The following SYN3 variants were observed in gnomAD, a reference collection of about 807,000 sequenced individuals.
SYN3 encodes synapsin III.
Under a neutral mutation model 65.8 loss-of-function variants are expected in SYN3, and 35 were observed. The ratio of observed to expected loss-of-function variants is 0.53; its 90% CI spans 0.41 to 0.70. SYN3 has a LOEUF of 0.70. Among genes scored for constraint, SYN3 ranks in the 30% least tolerant of loss-of-function variants. SYN3 has a pLI of 0.00. For missense variants in SYN3, 680 were observed against 749.0 expected (o/e 0.91, Z 1.08); for synonymous variants, 270 against 292.9 (o/e 0.92, Z 0.80).
intron 3 of SYN3, among the ~76,000 whole-genome samples, chr22:32,936,470 T>C (rs2050778629): frequency 6.6e-6 from 1 of 151,340 alleles, no homozygotes; most frequent in South Asian, 2.1e-4. Context: ...TAGGAAAAGA[T>C]GAATCTGCAG....
intron 4 of SYN3, among the ~76,000 whole-genome samples, chr22:32,901,882 A>G (rs1360194486): frequency 6.6e-6 from 1 of 152,236 alleles, no homozygotes; most frequent in Non-Finnish European, 1.5e-5. Flanking sequence ...GAGCTGGGCC[A>G]GCCTTGCTGG....
intron 4 of SYN3, among the ~76,000 whole-genome samples, chr22:32,918,419 T>A (rs959760039): frequency 1.3e-5 from 2 of 152,190 alleles, no homozygotes; most frequent in Non-Finnish European, 2.9e-5. Flanking sequence ...ATATGTGATA[T>A]GGGAATATAG....
intron 6 of SYN3, among the ~76,000 whole-genome samples, chr22:32,677,244 C>T (rs1025916477): frequency 2.0e-5 from 3 of 152,112 alleles, no homozygotes; most frequent in Admixed American, 6.5e-5. Context: ...TCTGGGTAAT[C>T]GGTGATGAGT....
intron 6 of SYN3, among the ~76,000 whole-genome samples, chr22:32,697,906 T>C (rs989031503): frequency 2.0e-5 from 3 of 152,194 alleles, no homozygotes; most frequent in Non-Finnish European, 2.9e-5. Context: ...CATGAGAGCA[T>C]GCCTGAGCTA....
chr22:32,586,052 G>GTATATA (rs1330288526), intron 7 of SYN3, among the ~76,000 whole-genome samples: 14 of 142,708 alleles, frequency 9.8e-5, no homozygotes, highest in African/African-American at 3.0e-4. Flanking sequence ...ATGTATATAT[G>GTATATA]TGTATATGTA....
chr22:32,630,948 G>A (rs2059738574), intron 6 of SYN3, among the ~76,000 whole-genome samples: 1 of 152,188 alleles, frequency 6.6e-6, no homozygotes, highest in Non-Finnish European at 1.5e-5. Flanking sequence ...GAATTTAACA[G>A]CAACTCGGAT....
intron 6 of SYN3, among the ~76,000 whole-genome samples, chr22:32,853,229 T>C (rs1039775409): frequency 2.6e-5 from 4 of 152,194 alleles, no homozygotes; most frequent in African/African-American, 9.7e-5. Context: ...CATCCAGCCC[T>C]CTGCAGAGAC....
At chr22:32,565,400 C>T (rs985111473) in intron 7 of SYN3, among the ~76,000 whole-genome samples, 1 of 151,730 alleles carries the variant, frequency 6.6e-6, no homozygotes, top group African/African-American at 2.4e-5. Flanking sequence ...AATAGGTGAA[C>T]ATAATTTTAA....
chr22:32,749,075 T>A (rs1325668872), intron 6 of SYN3, among the ~76,000 whole-genome samples: 1 of 152,136 alleles, frequency 6.6e-6, no homozygotes, highest in Admixed American at 6.6e-5. Flanking sequence ...GAGGCACTCA[T>A]AAACACAGTT....
At position 32,801,946 on chromosome 22, in the gene SYN3, G is replaced by T; in HGVS notation, c.711+62969C>A. 1 of 1,541,890 alleles carries T rather than the reference G, an allele frequency of 6.5e-7. No individual in the cohort carries two copies. Among genetic ancestry groups the T allele is most frequent in the Non-Finnish European group, 8.7e-7 (1 of 1,153,650 alleles). ...GCTGCAGCAGCCCCGCCGGCGGCGCGCACGGCAACTTTGGAGAGGCGAGCA... is the reference window on the plus strand; with the variant it reads ...GCTGCAGCAGCCCCGCCGGCGGCGCTCACGGCAACTTTGGAGAGGCGAGCA... On this transcript the variant is annotated intron_variant, in intron 6 of 13. Transcript: ENST00000358763. This position sits in a 1 kb window ranked among gnomAD's most constrained non-coding sequence, Gnocchi z 4.7.
chr22:32,964,384 C>G (rs913027707), intron 3 of SYN3, among the ~76,000 whole-genome samples: 1 of 144,346 alleles, frequency 6.9e-6, no homozygotes, highest in Non-Finnish European at 1.5e-5. Flanking sequence ...CTAACCTGCA[C>G]GTTGTGCACA....
At chr22:32,563,117 C>G (rs1342785677) in intron 7 of SYN3, among the ~76,000 whole-genome samples, 1 of 152,244 alleles carries the variant, frequency 6.6e-6, no homozygotes, top group Admixed American at 6.5e-5. Context: ...AACCTCATTG[C>G]GTTCCCACTC....
chr22:32,917,756 G>A (rs2050223865), intron 4 of SYN3, among the ~76,000 whole-genome samples: 1 of 152,274 alleles, frequency 6.6e-6, no homozygotes, highest in Admixed American at 6.5e-5. Context: ...CTCTCTCCCA[G>A]GGGAGTTGGC....
intron 1 of SYN3, among the ~76,000 whole-genome samples, chr22:33,010,713 A>T (rs1225284851): frequency 1.3e-5 from 2 of 152,176 alleles, no homozygotes; most frequent in African/African-American, 4.8e-5. Context: ...ATTGTTCGAG[A>T]TTGCATAGAC....
chr22:32,586,273 C>G (rs1056802724), intron 7 of SYN3, among the ~76,000 whole-genome samples: 30 of 152,022 alleles, frequency 2.0e-4, no homozygotes, highest in Admixed American at 1.8e-3. Context: ...CCCATTGCTC[C>G]TAGGAGAAAT....
intron 6 of SYN3, among the ~76,000 whole-genome samples, chr22:32,771,435 C>T (rs2045767233): frequency 6.6e-6 from 1 of 152,222 alleles, no homozygotes; most frequent in Admixed American, 6.5e-5. Flanking sequence ...ATCTGTAACA[C>T]AGCACAGTGG....
intron 4 of SYN3, among the ~76,000 whole-genome samples, chr22:32,886,610 A>G (rs755510501): frequency 1.2e-4 from 18 of 152,366 alleles, no homozygotes; most frequent in Non-Finnish European, 2.2e-4. Context: ...TGTAACACTA[A>G]TATAATCATC....
chr22:32,999,015 G>A (rs2052980371), intron 2 of SYN3, among the ~76,000 whole-genome samples: 1 of 152,060 alleles, frequency 6.6e-6, no homozygotes, highest in South Asian at 2.1e-4. Flanking sequence ...ACTAAGGTAG[G>A]GCAATGACAT....
intron 6 of SYN3, among the ~76,000 whole-genome samples, chr22:32,822,464 G>A (rs890485873): frequency 5.9e-5 from 9 of 152,214 alleles, no homozygotes; most frequent in African/African-American, 2.2e-4. Flanking sequence ...CAACTGGTGT[G>A]ACGTCTGGGG....
Sources: allele counts gnomAD v4.1 joint callset (sites outside exome capture counted in the v4.1 genomes callset), GRCh38; gene constraint gnomAD v4.1.1; non-coding constraint Gnocchi (gnomAD v3.1); transcripts MANE v1.5; gene names NCBI Gene and HGNC (gene_info 2026-07-23, HGNC 2026-07-21).